Variants in GPR158 observed in about 807,000 individuals in gnomAD.
The protein encoded by GPR158 is G protein-coupled receptor 158.
GPR158 carries 30 observed loss-of-function variants against 78.2 expected under a neutral mutation model. The observed-to-expected ratio is 0.38, with a 90% CI of 0.29 to 0.52. GPR158 has a LOEUF of 0.52. GPR158 is among the 20% of genes least tolerant of loss of function. GPR158 has a pLI of 0.83. For synonymous variants in GPR158, 581 were observed against 591.1 expected, an observed-to-expected ratio of 0.98 and a Z score of 0.25; for missense variants, 1,463 against 1,523.5, an observed-to-expected ratio of 0.96 and a Z score of 0.66.
intron 2 of GPR158, among the ~76,000 whole-genome samples, chr10:25,381,818 AAAG>A (rs1161014014): frequency 2.0e-5 from 3 of 152,232 alleles, no homozygotes; most frequent in African/African-American, 7.2e-5. Context: ...CAAAATATTT[AAAG>A]AAGGACTACT....
chr10:25,241,193 T>TCTTTCTTTCTTCCTTTCTTTC, intron 2 of GPR158, among the ~76,000 whole-genome samples: 1 of 101,660 alleles, frequency 9.8e-6, no homozygotes, highest in African/African-American at 5.6e-5. Context: ...TTCTTTCCTT[T>TCTTTCTTTCTTCCTTTCTTTC]CTTTCTTTCC....
At chr10:25,503,065 G>A (rs1175981627) in intron 5 of GPR158, among the ~76,000 whole-genome samples, 2 of 152,164 alleles carry the variant, frequency 1.3e-5, no homozygotes, top group East Asian at 3.9e-4. Flanking sequence ...GAAAATCTAG[G>A]AATATATATG....
intron 2 of GPR158, among the ~76,000 whole-genome samples, chr10:25,363,957 T>C (rs1038686510): frequency 2.0e-5 from 3 of 151,966 alleles, no homozygotes; most frequent in Non-Finnish European, 4.4e-5. Flanking sequence ...ATGAGGATAA[T>C]TATAATTAAT....
chr10:25,553,339 C>T (rs1047640323), intron 6 of GPR158, among the ~76,000 whole-genome samples: 3 of 152,146 alleles, frequency 2.0e-5, no homozygotes, highest in African/African-American at 7.2e-5. Context: ...TTCCCTCTGA[C>T]TTTGTATCTC....
intron 4 of GPR158, among the ~76,000 whole-genome samples, chr10:25,459,149 A>G (rs557601767): frequency 6.6e-6 from 1 of 152,112 alleles, no homozygotes; most frequent in Non-Finnish European, 1.5e-5. Flanking sequence ...CTTTTTTTCC[A>G]ATCCATATTG....
intron 1 of GPR158, among the ~76,000 whole-genome samples, chr10:25,208,395 A>G (rs970062369): frequency 6.6e-6 from 1 of 152,226 alleles, no homozygotes; most frequent in Non-Finnish European, 1.5e-5. Flanking sequence ...TTAAAAGTTG[A>G]TTGACAACTA....
At chr10:25,570,667 C>T (rs902364153) in intron 6 of GPR158, among the ~76,000 whole-genome samples, 5 of 152,156 alleles carry the variant, frequency 3.3e-5, no homozygotes, top group African/African-American at 1.2e-4. Flanking sequence ...ATAATCCCAG[C>T]ACTTTGGGAG....
At chr10:25,547,297 G>A (rs373149565) in intron 5 of GPR158, among the ~76,000 whole-genome samples, 7 of 152,180 alleles carry the variant, frequency 4.6e-5, no homozygotes, top group South Asian at 2.1e-4. Flanking sequence ...TTAATGCCAT[G>A]TATACTGCTC....
At chr10:25,470,095 C>T (rs1169597721) in intron 5 of GPR158, among the ~76,000 whole-genome samples, 5 of 152,080 alleles carry the variant, frequency 3.3e-5, no homozygotes, top group Non-Finnish European at 4.4e-5. Context: ...TTGGACACTG[C>T]CCCTGTATAA....
At chr10:25,503,982 C>T (rs1012067729) in intron 5 of GPR158, among the ~76,000 whole-genome samples, 2 of 151,820 alleles carry the variant, frequency 1.3e-5, no homozygotes, top group African/African-American at 4.8e-5. Flanking sequence ...TCTCTACCTC[C>T]CAGGTTCAAG....
intron 2 of GPR158, among the ~76,000 whole-genome samples, chr10:25,395,077 T>C (rs79273573): frequency 0.027 from 4,076 of 152,204 alleles, 172 homozygotes; most frequent in African/African-American, 0.084. Context: ...GTTTTTGTAG[T>C]TTAGTAGAAG....
intron 2 of GPR158, among the ~76,000 whole-genome samples, chr10:25,394,223 T>G (rs1834339251): frequency 6.6e-6 from 1 of 152,212 alleles, no homozygotes; most frequent in East Asian, 1.9e-4. Context: ...CACTACCTTT[T>G]TCAGACTATG....
At chr10:25,353,245 T>C (rs1855499566) in intron 2 of GPR158, among the ~76,000 whole-genome samples, 1 of 152,052 alleles carries the variant, frequency 6.6e-6, no homozygotes, top group African/African-American at 2.4e-5. Context: ...TTATTTAACA[T>C]TTCTGTAGCA....
chr10:25,591,989 C>T (rs1433859925), intron 8 of GPR158, among the ~76,000 whole-genome samples: 2 of 151,942 alleles, frequency 1.3e-5, no homozygotes, highest in Non-Finnish European at 2.9e-5. Flanking sequence ...TGAACTTATA[C>T]ATGTGATGGT....
intron 2 of GPR158, among the ~76,000 whole-genome samples, chr10:25,224,932 T>C (rs1853353139): frequency 6.6e-6 from 1 of 152,144 alleles, no homozygotes; most frequent in African/African-American, 2.4e-5. Flanking sequence ...GGACATTTTA[T>C]TTCCAAGTTT....
chr10:25,352,166 G>A (rs1399687305), intron 2 of GPR158, among the ~76,000 whole-genome samples: 1 of 152,034 alleles, frequency 6.6e-6, no homozygotes, highest in Non-Finnish European at 1.5e-5. Flanking sequence ...GCCAGCATTT[G>A]TGATTGTTTG....
At chr10:25,401,498 GT>G (rs1428640692) in intron 3 of GPR158, among the ~76,000 whole-genome samples, 3 of 151,902 alleles carry the variant, frequency 2.0e-5, no homozygotes, top group Non-Finnish European at 2.9e-5. Flanking sequence ...CATTTCACTT[GT>G]CCTAAAAATG....
intron 2 of GPR158, among the ~76,000 whole-genome samples, chr10:25,382,005 A>G (rs956182710): frequency 6.6e-6 from 1 of 152,188 alleles, no homozygotes; most frequent in Non-Finnish European, 1.5e-5. Context: ...TTCGGTAAGC[A>G]AGAGTTAAAT....
At chr10:25,188,109 A>T (rs1852714400) in intron 1 of GPR158, among the ~76,000 whole-genome samples, 1 of 152,210 alleles carries the variant, frequency 6.6e-6, no homozygotes, top group Non-Finnish European at 1.5e-5. Context: ...GAGAACTACA[A>T]ACCACTGCTC....
Sources: allele counts gnomAD v4.1 joint callset (sites outside exome capture counted in the v4.1 genomes callset), GRCh38; gene constraint gnomAD v4.1.1; transcripts MANE v1.5; gene names NCBI Gene and HGNC (gene_info 2026-07-23, HGNC 2026-07-21).